The following SLC5A12 variants were observed in gnomAD, a reference collection of about 807,000 sequenced individuals.
SLC5A12 encodes solute carrier family 5 member 12, also known as sodium-coupled monocarboxylate transporter 2.
Under a neutral mutation model 72.7 loss-of-function variants are expected in SLC5A12, and 46 were observed. The observed-to-expected ratio is 0.63, with a 90% CI of 0.50 to 0.81. SLC5A12 has a LOEUF of 0.81. SLC5A12 is among the 30% of genes least tolerant of loss of function. The pLI is 0.00. For missense variants in SLC5A12, 683 were observed against 740.7 expected (o/e 0.92, Z 0.90); for synonymous variants, 275 against 264.4 (o/e 1.04, Z -0.39).
At chr11:26,711,434 C>G in intron 2 of SLC5A12, 76 bp from the exon 3 acceptor site, 1 of 1,089,644 alleles carries the variant, frequency 9.2e-7, no homozygotes, top group Non-Finnish European at 1.4e-6. Context: ...AGTTCTTTAT[C>G]GACGTTAGAC....
chr11:26,697,838 T>C, intron 7 of SLC5A12, among the ~76,000 whole-genome samples: 1 of 148,048 alleles, frequency 6.8e-6, no homozygotes, highest in Non-Finnish European at 1.5e-5. Context: ...TTCCACTCTC[T>C]CCAGCCTTGC....
chr11:26,705,954 ACAC>A (rs1855077864), intron 4 of SLC5A12, among the ~76,000 whole-genome samples: 1 of 150,402 alleles, frequency 6.6e-6, no homozygotes, highest in African/African-American at 2.5e-5. Flanking sequence ...ACACACACAC[ACAC>A]ACACACACAC....
At chr11:26,671,350 A>G (rs1854138457) in intron 14 of SLC5A12, 99 bp from the exon 15 acceptor site, 1 of 997,648 alleles carries the variant, frequency 1.0e-6, no homozygotes, top group Non-Finnish European at 1.5e-6. Context: ...AAAAAATTAT[A>G]TATATGTACA....
chr11:26,718,199 T>C (rs1256033989), intron 1 of SLC5A12, among the ~76,000 whole-genome samples: 1 of 152,174 alleles, frequency 6.6e-6, no homozygotes, highest in Non-Finnish European at 1.5e-5. Context: ...AATTTGAAGA[T>C]AGCAACAACA....
intron 1 of SLC5A12, chr11:26,716,155 G>A (rs1299918084): frequency 1.3e-5 from 2 of 152,122 alleles, no homozygotes; most frequent in African/African-American, 2.4e-5. Context: ...GTAAAGCCAC[G>A]AGGCTATTGC....
In SLC5A12 at chr11:26,678,669, G is replaced by A. The variant is rs776474172; in HGVS notation, c.1579+43C>T. 2.9e-6 allele frequency: 4 copies of A among 1,402,584 alleles called. No individual in the cohort carries two copies. In the South Asian group the frequency reaches 4.7e-5, roughly 17 times the overall value. The allele number at this position is 1,402,584 out of a possible 1,614,324, so 86.9% of individuals were successfully genotyped here. Reference sequence around the variant, plus strand: ...AGCCAGTCCACCAATGCATGCATGAGCCCATATCTTCTTTAGTCCCAAAGG... The same window carrying A: ...AGCCAGTCCACCAATGCATGCATGAACCCATATCTTCTTTAGTCCCAAAGG... On this transcript the variant is annotated intron_variant, in intron 13 of 14. Coordinates refer to ENST00000396005, the MANE Select transcript of SLC5A12 (RefSeq NM_178498.4).
At chr11:26,685,154 T>A (rs1029515298) in intron 10 of SLC5A12, among the ~76,000 whole-genome samples, 4 of 152,220 alleles carry the variant, frequency 2.6e-5, no homozygotes, top group African/African-American at 7.2e-5. Context: ...AAAATGGAAG[T>A]AATGGAACAT....
At chr11:26,674,828 A>G (rs1298585729) in intron 13 of SLC5A12, among the ~76,000 whole-genome samples, 1 of 152,220 alleles carries the variant, frequency 6.6e-6, no homozygotes, top group Non-Finnish European at 1.5e-5. Context: ...ATATTTATCA[A>G]TTAGTCAGTG....
At chr11:26,675,271 A>C (rs1854239866) in intron 13 of SLC5A12, among the ~76,000 whole-genome samples, 3 of 152,210 alleles carry the variant, frequency 2.0e-5, no homozygotes, top group African/African-American at 7.2e-5. Context: ...ATGGATTTAG[A>C]TTCTGTTTTC....
At chr11:26,680,925 G>T in intron 12 of SLC5A12, 130 bp downstream of exon 12, 1 of 823,928 alleles carries the variant, frequency 1.2e-6, no homozygotes, top group Non-Finnish European at 1.7e-6. Flanking sequence ...TTCAGTGCTG[G>T]GTACTTCCCT....
At position 26,697,373 on chromosome 11, in the gene SLC5A12, T is replaced by G. The variant is rs371693409; in HGVS notation, c.952-121A>C. 1,516 of 778,980 alleles carry G rather than the reference T, an allele frequency of 1.9e-3. 29 individuals carry two copies. The South Asian group carries it at 0.027, about 14-fold the overall frequency. 48.3% of individuals were successfully genotyped at this position (778,980 alleles called of 1,614,324 possible). A position where few individuals can be genotyped will look rare whatever the true frequency, so the allele number is the denominator to read the frequency against. ...CATCAGTGTTTGAAATGTGGGAACA[T>G]AGCTGTTTAGCAAAAGGAGGTAGGA... On this transcript the variant is annotated intron_variant, in intron 7 of 14. Transcript: ENST00000396005.
rs574692149 is a variant in SLC5A12 at position 26,704,052 on chromosome 11, G to A, written c.526-105C>T. The stretch of plus-strand genomic sequence containing the variant: ...ATGCATGCATTCTTTTGTTTATTCA[G>A]CATCAGCCACTGAGGATCTTTTATG... On this transcript the variant is annotated intron_variant, in intron 4 of 14. Transcript: ENST00000396005. 5.7e-5 allele frequency: 70 copies of A among 1,231,896 alleles called. 1 individual carries two copies. The South Asian group carries it at 8.9e-4, about 16-fold the overall frequency. The allele number at this position is 1,231,896 out of a possible 1,614,324, so 76.3% of individuals were successfully genotyped here.
chr11:26,717,147 T>C (rs1855369041), intron 1 of SLC5A12, among the ~76,000 whole-genome samples: 1 of 152,140 alleles, frequency 6.6e-6, no homozygotes, highest in Non-Finnish European at 1.5e-5. Context: ...CCACTGTTAT[T>C]TGAAGGAGAA....
At chr11:26,690,815 T>A (rs954880006) in intron 9 of SLC5A12, among the ~76,000 whole-genome samples, 4 of 151,240 alleles carry the variant, frequency 2.6e-5, no homozygotes, top group African/African-American at 9.7e-5. Context: ...AAATTTAGTT[T>A]ATTATCTTAA....
At chr11:26,701,142 AC>A (rs11412555) in intron 6 of SLC5A12, among the ~76,000 whole-genome samples, 5 of 151,710 alleles carry the variant, frequency 3.3e-5, no homozygotes, top group South Asian at 2.1e-4. Flanking sequence ...GACAGATGGG[AC>A]CCCCCTCACC....
chr11:26,681,297 T>A, intron 11 of SLC5A12, 76 bp from the exon 12 acceptor site: 1 of 1,192,344 alleles, frequency 8.4e-7, no homozygotes, highest in South Asian at 1.9e-5. Context: ...TGAGGAGTTC[T>A]ATGCCTTAGA....
rs766270312 is a variant in SLC5A12 at position 26,712,721 on chromosome 11, A to T, written c.340-15T>A. ...AGTTGTAAGTACTAAAGGAAACAGA[A>T]AGACATGCAGAGTCAGTGAGGTTTA... is the stretch of plus-strand genomic sequence containing the variant. On this transcript the variant is annotated splice_polypyrimidine_tract_variant and intron_variant, in intron 1 of 14. Transcript: ENST00000396005. 1.5e-5 allele frequency: 24 copies of T among 1,572,156 alleles called. No individual in the cohort carries two copies. The highest frequency in any genetic ancestry group is 1.8e-5 in the Non-Finnish European group (21 of 1,149,292).
intron 3 of SLC5A12, among the ~76,000 whole-genome samples, chr11:26,710,452 C>T (rs540907168): frequency 1.3e-5 from 2 of 152,232 alleles, no homozygotes; most frequent in African/African-American, 2.4e-5. Context: ...AACTAATTTA[C>T]ACTCTCACCA....
intron 1 of SLC5A12, among the ~76,000 whole-genome samples, chr11:26,718,029 A>C (rs1855391888): frequency 6.6e-6 from 1 of 152,184 alleles, no homozygotes; most frequent in Admixed American, 6.5e-5. Flanking sequence ...CAAGTCACAA[A>C]ACTGGCCAAA....
Sources: gnomAD v4.1 joint callset for allele counts (sites outside exome capture counted in the v4.1 genomes callset) on GRCh38, gnomAD v4.1.1 for gene constraint, MANE v1.5 for transcripts, NCBI Gene and HGNC (gene_info 2026-07-23, HGNC 2026-07-21) for gene names.